The following WNK2 variants were observed in gnomAD, a reference collection of about 807,000 sequenced individuals.
WNK2 encodes WNK lysine deficient protein kinase 2.
WNK2 carries 67 observed loss-of-function variants against 192.1 expected under a neutral mutation model. That is an observed-to-expected ratio of 0.35 (90% CI 0.29 to 0.43). The LOEUF (loss-of-function observed/expected upper bound fraction) is 0.43, where lower values mean the gene tolerates loss of function less well. Ranked by LOEUF, WNK2 falls within the 20% of genes least tolerant of loss-of-function variation. The pLI is 1.00. For missense variants in WNK2, 2,698 were observed against 3,089.7 expected (o/e 0.87, Z 3.01); for synonymous variants, 1,439 against 1,393.9 (o/e 1.03, Z -0.72).
At chr9:93,264,891 G>A (rs944334996) in intron 16 of WNK2, among the ~76,000 whole-genome samples, 4 of 152,186 alleles carry the variant, frequency 2.6e-5, no homozygotes, top group Non-Finnish European at 5.9e-5. Flanking sequence ...ATTGCCCCAC[G>A]TGCCTGCCTG....
intron 10 of WNK2, 92 bp from the exon 11 acceptor site, chr9:93,256,856 G>C (rs1843386611): frequency 8.2e-7 from 1 of 1,218,234 alleles, no homozygotes. Flanking sequence ...GCATGTGAGG[G>C]TGAGGGTTGA....
At chr9:93,234,507 C>T (rs1045754089) in intron 4 of WNK2, among the ~76,000 whole-genome samples, 1 of 152,228 alleles carries the variant, frequency 6.6e-6, no homozygotes, top group Non-Finnish European at 1.5e-5. Flanking sequence ...CTTCCAGGCT[C>T]GGACCCCGTC....
At chr9:93,317,821 T>C (rs1312161324) in intron 29 of WNK2, 190 bp downstream of exon 29, 2 of 1,497,326 alleles carry the variant, frequency 1.3e-6, no homozygotes, top group African/African-American at 1.4e-5. Flanking sequence ...GTGGTCAGCA[T>C]GCCTGGCCCC....
chr9:93,317,442 G>A, intron 28 of WNK2, 78 bp from the exon 29 acceptor site: 1 of 1,435,414 alleles, frequency 7.0e-7, no homozygotes. Context: ...AGAAACTGTG[G>A]CACCCTGGGG....
chr9:93,256,842 G>C, intron 10 of WNK2, 106 bp from the exon 11 acceptor site: 1 of 1,027,236 alleles, frequency 9.7e-7, no homozygotes, highest in Non-Finnish European at 1.4e-6. Flanking sequence ...GAGCATGTGC[G>C]TGTGCATGTG....
At chr9:93,207,034 C>T (rs866912105) in intron 2 of WNK2, among the ~76,000 whole-genome samples, 2 of 152,246 alleles carry the variant, frequency 1.3e-5, no homozygotes, top group Middle Eastern at 3.4e-3. Flanking sequence ...TTGTGATGCC[C>T]ACTCCTGCCA....
At chr9:93,269,095 A>G in intron 19 of WNK2, 1 of 750,462 alleles carries the variant, frequency 1.3e-6, no homozygotes, top group Non-Finnish European at 2.2e-6. Flanking sequence ...GCACACCTGC[A>G]GCAGACACGC....
chr9:93,280,313 A>G (rs1847535944), intron 19 of WNK2, among the ~76,000 whole-genome samples: 1 of 152,196 alleles, frequency 6.6e-6, no homozygotes, highest in South Asian at 2.1e-4. Flanking sequence ...GCAAATTAAT[A>G]CCACAATGAG....
rs139167141 is a variant in WNK2, at chr9:93,292,937, G to A, written c.5472G>A (p.Ala1824=). The change falls in exon 23 of 30, where the codon GCG becomes GCA. Residue 1824 remains alanine, a synonymous_variant. Coordinates refer to ENST00000427277, the MANE Select transcript of WNK2 (RefSeq NM_006648.4). ...CGAGACCCCCGGTGCAGAAGCAGGCGTCCCTGCCCGTGAGTGGCAGCGTGG... is the reference window on the plus strand; with the variant it reads ...CGAGACCCCCGGTGCAGAAGCAGGCATCCCTGCCCGTGAGTGGCAGCGTGG... ...PRARPPVQKQ[A]SLPVSGSVAG... is the part of the protein sequence containing the mutation. The A allele has an allele frequency of 1.5e-4, 236 of 1,530,278 alleles. No homozygotes were observed. The highest frequency in any genetic ancestry group is 1.3e-3 in the African/African-American group (95 of 72,536). 94.8% of individuals were successfully genotyped at this position (1,530,278 alleles called of 1,614,324 possible).
chr9:93,306,640 C>A (rs1852601959), intron 26 of WNK2, 137 bp from the exon 27 acceptor site: 9 of 1,116,384 alleles, frequency 8.1e-6, no homozygotes, highest in Non-Finnish European at 1.2e-5. Context: ...CCGGCCGGGT[C>A]GGCCCTCTCT....
At chr9:93,199,927 T>C (rs373561327) in intron 2 of WNK2, among the ~76,000 whole-genome samples, 1 of 106,956 alleles carries the variant, frequency 9.3e-6, no homozygotes, top group African/African-American at 3.0e-5. Context: ...CACAAAGCTG[T>C]GGAGAAGAGC....
At chr9:93,190,251 T>C (rs1332458934) in intron 2 of WNK2, among the ~76,000 whole-genome samples, 1 of 152,194 alleles carries the variant, frequency 6.6e-6, no homozygotes, top group Non-Finnish European at 1.5e-5. Context: ...GTGGTGCTTC[T>C]GCCCCCCGAG....
chr9:93,240,567 C>T lies in WNK2; in HGVS notation c.1542+591C>T, dbSNP rs560145867. 2.0e-5 allele frequency among the ~76,000 whole-genome samples: 3 copies of T among 152,130 alleles called. No homozygotes were observed. In the East Asian group the frequency reaches 5.8e-4, roughly 30 times the overall value. On this transcript the variant is annotated intron_variant, in intron 7 of 29. Coordinates refer to ENST00000427277, the MANE Select transcript of WNK2 (RefSeq NM_006648.4). ...TTGTGCTGGGGTGTCATCGAGGCCT[C>T]ATTGGAGGGGGCGCTGAGCCGACTG...
intron 26 of WNK2, 64 bp from the exon 27 acceptor site, chr9:93,306,713 G>T (rs1043017698): frequency 1.0e-5 from 16 of 1,595,348 alleles, no homozygotes; most frequent in Admixed American, 1.0e-4. Flanking sequence ...GTGTGGTAGC[G>T]TGTCCCAGTG....
At position 93,300,550 on chromosome 9, in the gene WNK2, C is replaced by T. The variant is rs543124424; in HGVS notation, c.6214+401C>T. 1.1e-4 allele frequency among the ~76,000 whole-genome samples: 16 copies of T among 152,136 alleles called. No homozygotes were observed. The East Asian group carries it at 2.1e-3, about 20-fold the overall frequency. ...TGCAATTGTGGCAAATATACATGTC[C>T]GCTGTCCCCAGTTCCAGCGACAACA... On this transcript the variant is annotated intron_variant, in intron 26 of 29. Coordinates refer to ENST00000427277, the MANE Select transcript of WNK2 (RefSeq NM_006648.4).
intron 9 of WNK2, among the ~76,000 whole-genome samples, chr9:93,253,438 G>A (rs1842865184): frequency 1.3e-5 from 2 of 152,016 alleles, no homozygotes; most frequent in Non-Finnish European, 2.9e-5. Context: ...AGCGGGCACA[G>A]TGATAATGGT....
chr9:93,214,732 A>T (rs534827307), intron 2 of WNK2, among the ~76,000 whole-genome samples: 19 of 117,488 alleles, frequency 1.6e-4, no homozygotes, highest in African/African-American at 5.8e-4. Flanking sequence ...TGCTGAGTTT[A>T]AGATATTCTC....
intron 6 of WNK2, among the ~76,000 whole-genome samples, 184 bp downstream of exon 6, chr9:93,238,505 G>A (rs1198843643): frequency 6.6e-6 from 1 of 152,204 alleles, no homozygotes; most frequent in Non-Finnish European, 1.5e-5. Flanking sequence ...GTGACACCAG[G>A]CCAGGAGGCC....
At chr9:93,218,944 G>A (rs559405718) in intron 2 of WNK2, among the ~76,000 whole-genome samples, 6 of 152,350 alleles carry the variant, frequency 3.9e-5, no homozygotes, top group Admixed American at 2.0e-4. Flanking sequence ...CAGGACTCAT[G>A]CAGGGCCAGG....
Sources: gnomAD v4.1 joint callset for allele counts (sites outside exome capture counted in the v4.1 genomes callset) on GRCh38, gnomAD v4.1.1 for gene constraint, MANE v1.5 for transcripts, NCBI Gene and HGNC (gene_info 2026-07-23, HGNC 2026-07-21) for gene names.